Variants in CAMK1G observed in about 807,000 individuals in gnomAD.
The protein encoded by CAMK1G is calcium/calmodulin dependent protein kinase IG, also known as calcium/calmodulin-dependent protein kinase type 1G.
CAMK1G carries 27 observed loss-of-function variants against 54.8 expected under a neutral mutation model. That is an observed-to-expected ratio of 0.49 (90% CI 0.36 to 0.68). CAMK1G has a LOEUF of 0.68. CAMK1G is among the 30% of genes least tolerant of loss of function. CAMK1G has a pLI of 0.00. For synonymous variants in CAMK1G, 238 were observed against 224.9 expected, an observed-to-expected ratio of 1.06 and a Z score of -0.52; for missense variants, 512 against 591.0, an observed-to-expected ratio of 0.87 and a Z score of 1.39.
chr1:209,603,678 C>G (rs1473224335), intron 4 of CAMK1G, among the ~76,000 whole-genome samples: 1 of 152,230 alleles, frequency 6.6e-6, no homozygotes, highest in Non-Finnish European at 1.5e-5. Flanking sequence ...CACCAGAACC[C>G]TTTTCTGGCA....
intron 6 of CAMK1G, among the ~76,000 whole-genome samples, chr1:209,607,622 G>C (rs376289398): frequency 6.6e-6 from 1 of 152,174 alleles, no homozygotes; most frequent in African/African-American, 2.4e-5. Context: ...GTGAGTCATC[G>C]ACCCTGTCAT....
chr1:209,606,271 A>C, intron 5 of CAMK1G, 49 bp from the exon 6 acceptor site: 1 of 1,596,234 alleles, frequency 6.3e-7, no homozygotes, highest in Non-Finnish European at 8.6e-7. Context: ...GAAGGAAAAT[A>C]CTTGCTTCAG....
intron 1 of CAMK1G, among the ~76,000 whole-genome samples, chr1:209,586,334 A>G (rs1045114941): frequency 5.9e-5 from 9 of 151,870 alleles, no homozygotes; most frequent in African/African-American, 2.2e-4. Flanking sequence ...AAAAAAACCA[A>G]CAGAAGTATT....
chr1:209,602,242 A>G (rs1034726479), intron 3 of CAMK1G, among the ~76,000 whole-genome samples: 1 of 152,108 alleles, frequency 6.6e-6, no homozygotes, highest in African/African-American at 2.4e-5. Flanking sequence ...GCCTCTACCC[A>G]CTAGATGCCA....
intron 3 of CAMK1G, among the ~76,000 whole-genome samples, chr1:209,600,492 A>G (rs1410089235): frequency 6.6e-6 from 1 of 152,246 alleles, no homozygotes; most frequent in Non-Finnish European, 1.5e-5. Flanking sequence ...TCAGCACCCC[A>G]ACCATCTTGA....
chr1:209,605,013 T>C (rs1231917200), intron 4 of CAMK1G, among the ~76,000 whole-genome samples: 2 of 152,154 alleles, frequency 1.3e-5, no homozygotes, highest in Non-Finnish European at 2.9e-5. Flanking sequence ...CCTAAGATAC[T>C]CTACCATTTG....
chr1:209,603,392 A>C, intron 4 of CAMK1G, 104 bp downstream of exon 4: 1 of 841,096 alleles, frequency 1.2e-6, no homozygotes, highest in Admixed American at 2.2e-5. Context: ...TCAAAGACAA[A>C]AATGAAGACT....
At chr1:209,595,253 T>C (rs993281919) in intron 2 of CAMK1G, among the ~76,000 whole-genome samples, 178 bp downstream of exon 2, 2 of 151,870 alleles carry the variant, frequency 1.3e-5, no homozygotes, top group East Asian at 3.9e-4. Flanking sequence ...GTGGAGTGGG[T>C]GGCAGGTACT....
At chr1:209,596,897 A>C (rs1412862567) in intron 2 of CAMK1G, among the ~76,000 whole-genome samples, 2 of 152,190 alleles carry the variant, frequency 1.3e-5, no homozygotes, top group African/African-American at 4.8e-5. Flanking sequence ...TCTCAGACCC[A>C]CTAAACTGGA....
Position 209,612,058 on chromosome 1 carries a change from T to C in CAMK1G, c.1182T>C (p.Asn394=), listed in dbSNP as rs771125638. The C allele has an allele frequency of 5.0e-6, 8 of 1,614,088 alleles. No homozygotes were observed. The Admixed American group carries it at 8.3e-5, about 17-fold the overall frequency. ...GCAGGTCCCTCAACTGCCTGGTCAA[T>C]GGCTCCCTCCACATCAGCAGCAGCC... is the stretch of plus-strand genomic sequence containing the variant. ...PGGRSLNCLV[N]GSLHISSSLV... is the part of the protein sequence containing the mutation. Residue 394 remains asparagine (N), a synonymous_variant, in exon 11 of 13, where the codon AAT becomes AAC. Transcript: ENST00000361322.
rs1665828262 is a variant in CAMK1G, at chr1:209,613,192, G to T, written c.*190G>T. ...GGGCAGCCCCTCATAGGAGGCCCAG[G>T]AGGGAGCCCCAAGGCGTAGAAGCCT... On this transcript the variant is annotated 3_prime_UTR_variant, in exon 13 of 13. Transcript: ENST00000361322. 3.3e-6 allele frequency: 1 copy of T among 305,224 alleles called. No homozygotes were observed. The highest frequency in any genetic ancestry group is 3.9e-5 in the South Asian group (1 of 25,374). The allele number at this position is 305,224 out of a possible 1,614,324, so 18.9% of individuals were successfully genotyped here.
chr1:209,585,943 G>A (rs1185468408), intron 1 of CAMK1G, among the ~76,000 whole-genome samples: 1 of 152,258 alleles, frequency 6.6e-6, no homozygotes, highest in Non-Finnish European at 1.5e-5. Context: ...GGGGGTTGGG[G>A]CTGAGTGGGA....
intron 4 of CAMK1G, among the ~76,000 whole-genome samples, chr1:209,603,712 C>T (rs759391276): frequency 6.6e-6 from 1 of 152,154 alleles, no homozygotes; most frequent in Admixed American, 6.5e-5. Flanking sequence ...CCTTTTGGAC[C>T]AATACATGTT....
intron 2 of CAMK1G, among the ~76,000 whole-genome samples, chr1:209,597,401 T>G (rs754350048): frequency 2.6e-5 from 4 of 152,234 alleles, no homozygotes; most frequent in Admixed American, 2.0e-4. Context: ...AATTCCAAGC[T>G]AGACCAATAC....
chr1:209,611,658 G>A (rs1665783410), intron 10 of CAMK1G, 106 bp downstream of exon 10: 2 of 1,463,668 alleles, frequency 1.4e-6, no homozygotes, highest in Non-Finnish European at 1.9e-6. Context: ...AGAAGGCATT[G>A]GAGCTCCGTG....
chr1:209,602,231 C>T lies in CAMK1G; in HGVS notation c.222-983C>T, dbSNP rs570278809. Among the ~76,000 whole-genome samples, 14 of 152,184 alleles carry T rather than the reference C, an allele frequency of 9.2e-5. No individual in the cohort carries two copies. The East Asian group carries it at 1.9e-3, about 21-fold the overall frequency. On this transcript the variant is annotated intron_variant, in intron 3 of 12. Transcript: ENST00000361322. ...AGTGTTGGATGTTTAGCAGCATTTCCGCCTCTACCCACTAGATGCCAGCAG... is the reference window on the plus strand; with the variant it reads ...AGTGTTGGATGTTTAGCAGCATTTCTGCCTCTACCCACTAGATGCCAGCAG...
intron 2 of CAMK1G, among the ~76,000 whole-genome samples, chr1:209,599,747 G>A (rs1665481024): frequency 6.6e-6 from 1 of 152,142 alleles, no homozygotes; most frequent in South Asian, 2.1e-4. Context: ...TTTCACTTGG[G>A]TGTTATCTCT....
chr1:209,600,525 C>T (rs1341225232), intron 3 of CAMK1G, among the ~76,000 whole-genome samples: 1 of 152,230 alleles, frequency 6.6e-6, no homozygotes, highest in Non-Finnish European at 1.5e-5. Context: ...TACAAATCAT[C>T]ATATGTTTAC....
At chr1:209,611,388 C>T in intron 9 of CAMK1G, 77 bp from the exon 10 acceptor site, 1 of 1,355,916 alleles carries the variant, frequency 7.4e-7, no homozygotes, top group South Asian at 1.2e-5. Flanking sequence ...TCACCTAGAC[C>T]TGCAGGCACC....
Sources: allele counts gnomAD v4.1 joint callset (sites outside exome capture counted in the v4.1 genomes callset), GRCh38; gene constraint gnomAD v4.1.1; transcripts MANE v1.5; gene names NCBI Gene and HGNC (gene_info 2026-07-23, HGNC 2026-07-21).